Variants in PAFAH1B2 observed in about 807,000 individuals in gnomAD.
PAFAH1B2 encodes platelet activating factor acetylhydrolase 1b catalytic subunit 2, also known as platelet-activating factor acetylhydrolase IB subunit alpha2.
In PAFAH1B2, 8 loss-of-function variants were observed where a neutral mutation model predicts 28.0. The observed-to-expected ratio is 0.29, with a 90% CI of 0.17 to 0.52. The LOEUF (loss-of-function observed/expected upper bound fraction) is 0.52. Ranked by LOEUF, PAFAH1B2 falls within the 20% of genes least tolerant of loss-of-function variation. PAFAH1B2 has a pLI of 0.97. For missense variants in PAFAH1B2, 190 were observed against 282.6 expected (o/e 0.67, Z 2.35); for synonymous variants, 104 against 103.2 (o/e 1.01, Z -0.05).
chr11:117,146,128 T>G (rs71466796), intron 1 of PAFAH1B2, among the ~76,000 whole-genome samples: 50,348 of 144,734 alleles, frequency 0.35, 9,889 homozygotes, highest in Non-Finnish European at 0.47. Flanking sequence ...TTTTTTTTTT[T>G]TTTTTGTGTG....
At chr11:117,149,430 G>GATTTTTTTTTTTTT (rs1956092325) in intron 1 of PAFAH1B2, among the ~76,000 whole-genome samples, 1 of 86,048 alleles carries the variant, frequency 1.2e-5, no homozygotes, top group Non-Finnish European at 2.2e-5. Context: ...TTTTCTAATC[G>GATTTTTTTTTTTTT]TTTTTTTTTT....
At chr11:117,156,378 A>G (rs753507586) in intron 2 of PAFAH1B2, among the ~76,000 whole-genome samples, 4 of 152,320 alleles carry the variant, frequency 2.6e-5, no homozygotes, top group Non-Finnish European at 5.9e-5. Flanking sequence ...TAAAACCAAG[A>G]CACAAATTAT....
Position 117,168,823 on chromosome 11 carries a change from C to A in PAFAH1B2, c.*1124C>A. ...TTTTGTTTTGTTTGAGATGGAGTTTCACTGTTGCCCAGGCTGGGGTGCAAT... is the reference window on the plus strand; with the variant it reads ...TTTTGTTTTGTTTGAGATGGAGTTTAACTGTTGCCCAGGCTGGGGTGCAAT... On this transcript the variant is annotated 3_prime_UTR_variant, in exon 6 of 6. Coordinates refer to ENST00000527958, the MANE Select transcript of PAFAH1B2 (RefSeq NM_002572.4). 1 of 842,994 alleles carries A rather than the reference C, an allele frequency of 1.2e-6. No homozygotes were observed. Among genetic ancestry groups the A allele is most frequent in the Non-Finnish European group, 1.5e-6 (1 of 685,722 alleles). The allele number at this position is 842,994 out of a possible 1,614,324, so 52.2% of individuals were successfully genotyped here.
At chr11:117,148,017 TAAATTA>T (rs1229906328) in intron 1 of PAFAH1B2, among the ~76,000 whole-genome samples, 1 of 152,072 alleles carries the variant, frequency 6.6e-6, no homozygotes, top group Admixed American at 6.6e-5. Context: ...AACAACTTAG[TAAATTA>T]GAATTAGAAT....
chr11:117,147,504 GT>G (rs1956041984), intron 1 of PAFAH1B2, among the ~76,000 whole-genome samples: 1 of 152,154 alleles, frequency 6.6e-6, no homozygotes, highest in African/African-American at 2.4e-5. Context: ...AGCCACAACA[GT>G]TTCTCTGATT....
At chr11:117,176,516 C>G (rs558397658) in exon 6 of PAFAH1B2, 1 of 192,268 alleles carries the variant, frequency 5.2e-6, no homozygotes, top group Non-Finnish European at 1.1e-5. Flanking sequence ...TGACAAGGCA[C>G]TGATCTGGGT....
Position 117,163,659 on chromosome 11 carries a change from C to T in PAFAH1B2, c.289-111C>T, listed in dbSNP as rs1475963032. 23 of 1,108,614 alleles carry T rather than the reference C, an allele frequency of 2.1e-5. No homozygotes were observed. In the African/African-American group the frequency reaches 2.5e-4, roughly 12 times the overall value. 68.7% of individuals were successfully genotyped at this position (1,108,614 alleles called of 1,614,324 possible). On this transcript the variant is annotated intron_variant, in intron 4 of 5. Transcript: ENST00000527958. Reference sequence around the variant, plus strand: ...CTGCACTCCAGTCTGGGTGATAGAGCGAGACCCCATCTCAAAAAAAAAAAA... The same window carrying T: ...CTGCACTCCAGTCTGGGTGATAGAGTGAGACCCCATCTCAAAAAAAAAAAA...
At chr11:117,149,747 TATA>T (rs1480842396) in intron 1 of PAFAH1B2, among the ~76,000 whole-genome samples, 1 of 151,838 alleles carries the variant, frequency 6.6e-6, no homozygotes, top group Non-Finnish European at 1.5e-5. Flanking sequence ...TTTTCTAATC[TATA>T]AAAAGAAAAA....
At chr11:117,161,090 A>G (rs553134162) in intron 3 of PAFAH1B2, 55 bp from the exon 4 acceptor site, 1 of 1,097,870 alleles carries the variant, frequency 9.1e-7, no homozygotes, top group South Asian at 1.4e-5. Context: ...TGCAGTCGAA[A>G]GATTAAACTT....
At chr11:117,172,944 C>T (rs919663992), downstream of PAFAH1B2, among the ~76,000 whole-genome samples, 6 of 152,224 alleles carry the variant, frequency 3.9e-5, no homozygotes, top group East Asian at 5.8e-4. Context: ...CTCAGGCAAT[C>T]GGCCCGCCTT....
chr11:117,169,505 A>C lies in PAFAH1B2; in HGVS notation c.*1806A>C. ...TTGTATGTTGGAGGAGGGCTTACTG[A>C]TGCGTGCTAAGACCGATTTCTGATT... On this transcript the variant is annotated 3_prime_UTR_variant, in exon 6 of 6. Coordinates refer to ENST00000527958, the MANE Select transcript of PAFAH1B2 (RefSeq NM_002572.4). 9.5e-7 allele frequency: 1 copy of C among 1,055,028 alleles called. No individual in the cohort carries two copies. The highest frequency in any genetic ancestry group is 1.1e-6 in the Non-Finnish European group (1 of 872,786). 65.4% of individuals were successfully genotyped at this position (1,055,028 alleles called of 1,614,324 possible). A position where few individuals can be genotyped will look rare whatever the true frequency, so the allele number is the denominator to read the frequency against.
At chr11:117,171,647 CTA>C, downstream of PAFAH1B2, 1 of 1,448,070 alleles carries the variant, frequency 6.9e-7, no homozygotes, top group South Asian at 1.2e-5. Flanking sequence ...TCCAAATACT[CTA>C]TCTCAGAGAT....
At chr11:117,146,637 T>C (rs1297194810) in intron 1 of PAFAH1B2, among the ~76,000 whole-genome samples, 1 of 152,056 alleles carries the variant, frequency 6.6e-6, no homozygotes, top group Admixed American at 6.6e-5. Context: ...AAGGCTGCAG[T>C]GAGCTGTGTT....
chr11:117,177,375 A>G (rs1591762919), downstream of PAFAH1B2, among the ~76,000 whole-genome samples: 1 of 152,232 alleles, frequency 6.6e-6, no homozygotes, highest in African/African-American at 2.4e-5. Context: ...ATGATATACA[A>G]TATGTGTTAT....
At chr11:117,144,998 C>A (rs1047545471) in intron 1 of PAFAH1B2, among the ~76,000 whole-genome samples, 1 of 152,200 alleles carries the variant, frequency 6.6e-6, no homozygotes, top group African/African-American at 2.4e-5. Flanking sequence ...TTAGAAACTT[C>A]TCCGTTGCCT....
chr11:117,176,256 TTC>T (rs1413004854), exon 6 of PAFAH1B2: 2 of 414,230 alleles, frequency 4.8e-6, no homozygotes, highest in Non-Finnish European at 8.7e-6. Context: ...TGCAGCTTGC[TTC>T]TGGTCTTCAT....
downstream of PAFAH1B2, among the ~76,000 whole-genome samples, chr11:117,172,348 TTATATATATATATA>T (rs1213181198): frequency 7.7e-4 from 70 of 91,192 alleles, no homozygotes; most frequent in South Asian, 1.4e-3. Flanking sequence ...CATTCTAGCT[TTATATATATATATA>T]TATATATATA....
At position 117,168,445 on chromosome 11, in the gene PAFAH1B2, C is replaced by CCTTTTTTTT. The variant is rs1565274998; in HGVS notation, c.*746_*747insCTTTTTTTT. 1.7e-5 allele frequency: 6 copies of CCTTTTTTTT among 354,312 alleles called. No individual in the cohort carries two copies. The highest frequency in any genetic ancestry group is 1.0e-4 in the South Asian group (1 of 9,812). The allele number at this position is 354,312 out of a possible 1,614,324, so 21.9% of individuals were successfully genotyped here. ...TTCCCCTTCATTCCCCCCGCCACCC[C>CCTTTTTTTT]GTTTTTTTTTTTTTTTTTTTTTTTT... On this transcript the variant is annotated 3_prime_UTR_variant, in exon 6 of 6. Transcript: ENST00000527958.
chr11:117,151,550 G>T (rs902725547), intron 1 of PAFAH1B2, among the ~76,000 whole-genome samples: 4 of 151,840 alleles, frequency 2.6e-5, no homozygotes, highest in Non-Finnish European at 5.9e-5. Flanking sequence ...AATTTTCTTA[G>T]TGGAAACTTA....
Sources: gnomAD v4.1 joint callset for allele counts (sites outside exome capture counted in the v4.1 genomes callset) on GRCh38, gnomAD v4.1.1 for gene constraint, MANE v1.5 for transcripts, NCBI Gene and HGNC (gene_info 2026-07-23, HGNC 2026-07-21) for gene names.